The following RPH3A variants were observed in gnomAD, a reference collection of about 807,000 sequenced individuals.
RPH3A encodes rabphilin 3A, also known as rabphilin-3A.
Under a neutral mutation model 102.2 loss-of-function variants are expected in RPH3A, and 48 were observed. The ratio of observed to expected loss-of-function variants is 0.47; its 90% CI spans 0.37 to 0.60. The LOEUF (loss-of-function observed/expected upper bound fraction) is 0.60, where lower values mean the gene tolerates loss of function less well. RPH3A is among the 20% of genes least tolerant of loss of function. The pLI is 0.00. For synonymous variants in RPH3A, 310 were observed against 324.3 expected (o/e 0.96, Z 0.47); for missense variants, 781 against 910.1 (o/e 0.86, Z 1.83).
At chr12:112,678,684 G>T (rs996671497) in intron 1 of RPH3A, among the ~76,000 whole-genome samples, 2 of 152,128 alleles carry the variant, frequency 1.3e-5, no homozygotes, top group African/African-American at 2.4e-5. Context: ...GAAACCTGAC[G>T]CAGGATTTAA....
intron 16 of RPH3A, among the ~76,000 whole-genome samples, chr12:112,887,256 C>A (rs7958347): frequency 6.6e-6 from 1 of 152,036 alleles, no homozygotes; most frequent in African/African-American, 2.4e-5. Flanking sequence ...CAACCTGTAT[C>A]AACAGCAGAA....
intron 1 of RPH3A, among the ~76,000 whole-genome samples, chr12:112,682,127 G>C (rs941375369): frequency 9.9e-5 from 15 of 152,178 alleles, no homozygotes; most frequent in Non-Finnish European, 1.0e-4. Context: ...CAGAGAAACA[G>C]AACTGATAGT....
intron 1 of RPH3A, among the ~76,000 whole-genome samples, chr12:112,726,727 A>G (rs1347129863): frequency 6.6e-6 from 1 of 152,212 alleles, no homozygotes; most frequent in Admixed American, 6.5e-5. Flanking sequence ...TCTAAAATAT[A>G]AAGGCATTTT....
chr12:112,850,216 C>T (rs2042300863), intron 5 of RPH3A, among the ~76,000 whole-genome samples: 1 of 152,170 alleles, frequency 6.6e-6, no homozygotes, highest in Non-Finnish European at 1.5e-5. Flanking sequence ...ATGGGGATAA[C>T]ATTATCACAT....
chr12:112,873,070 C>G (rs938136233), intron 10 of RPH3A, among the ~76,000 whole-genome samples: 1 of 152,180 alleles, frequency 6.6e-6, no homozygotes, highest in Non-Finnish European at 1.5e-5. Context: ...ATCTCTTGCT[C>G]ATCATTTTCC....
At chr12:112,691,514 T>C (rs1396173161) in intron 1 of RPH3A, among the ~76,000 whole-genome samples, 1 of 152,264 alleles carries the variant, frequency 6.6e-6, no homozygotes, top group African/African-American at 2.4e-5. Context: ...AGAAGTACAG[T>C]ACCCTTTTGG....
intron 2 of RPH3A, among the ~76,000 whole-genome samples, chr12:112,815,081 C>T (rs2136127786): frequency 6.6e-6 from 1 of 152,244 alleles, no homozygotes; most frequent in South Asian, 2.1e-4. Flanking sequence ...GAATATACCC[C>T]AGCCTGTCTC....
intron 1 of RPH3A, among the ~76,000 whole-genome samples, chr12:112,735,458 CT>C (rs2040662598): frequency 6.6e-6 from 1 of 152,336 alleles, no homozygotes; most frequent in Admixed American, 6.5e-5. Context: ...AGAAAAAAGC[CT>C]CTTCCAGATA....
intron 5 of RPH3A, among the ~76,000 whole-genome samples, chr12:112,852,512 C>G (rs2042339021): frequency 1.3e-5 from 2 of 152,174 alleles, no homozygotes; most frequent in Admixed American, 6.5e-5. Context: ...CTTCTCATCC[C>G]ATATATTAGA....
At chr12:112,620,565 G>A (rs997599847) in intron 1 of RPH3A, among the ~76,000 whole-genome samples, 5 of 152,094 alleles carry the variant, frequency 3.3e-5, no homozygotes, top group African/African-American at 1.2e-4. Context: ...CCAGCCTGGC[G>A]GGTCCCCTAA....
At chr12:112,677,377 T>TCCCTCCCTC (rs2040184977) in intron 1 of RPH3A, among the ~76,000 whole-genome samples, 2 of 13,170 alleles carry the variant, frequency 1.5e-4, no homozygotes, top group African/African-American at 5.4e-4. Flanking sequence ...CTCCTTCCCT[T>TCCCTCCCTC]CCTCCCTCCC....
intron 1 of RPH3A, among the ~76,000 whole-genome samples, chr12:112,691,039 T>C (rs1388670845): frequency 2.6e-5 from 4 of 152,148 alleles, no homozygotes; most frequent in Admixed American, 2.0e-4. Context: ...ATCTTTTTTT[T>C]TTTGAGACGG....
chr12:112,755,338 CAT>C (rs1240225309), intron 1 of RPH3A, among the ~76,000 whole-genome samples: 9 of 138,280 alleles, frequency 6.5e-5, no homozygotes, highest in Non-Finnish European at 9.4e-5. Flanking sequence ...CACACACACA[CAT>C]ACATATGCAT....
chr12:112,894,748 C>CTATTTGTGCCTCTCTAA, intron 20 of RPH3A, 89 bp downstream of exon 20: 1 of 1,016,776 alleles, frequency 9.8e-7, no homozygotes, highest in Non-Finnish European at 1.5e-6. Context: ...AAATATGTGG[C>CTATTTGTGCCTCTCTAA]CACATAGCCA....
chr12:112,717,059 ATAACATAGC>A (rs1381393350), intron 1 of RPH3A, among the ~76,000 whole-genome samples: 2 of 152,234 alleles, frequency 1.3e-5, no homozygotes, highest in Non-Finnish European at 2.9e-5. Flanking sequence ...ATAACGGCCT[ATAACATAGC>A]CCCATTTTCC....
At chr12:112,867,295 C>A (rs925164039) in intron 7 of RPH3A, among the ~76,000 whole-genome samples, 21 of 152,084 alleles carry the variant, frequency 1.4e-4, no homozygotes, top group African/African-American at 4.8e-4. Flanking sequence ...ACTTTGTCCT[C>A]TTTCTTTCTC....
chr12:112,790,427 A>G (rs1033585733), upstream of RPH3A, among the ~76,000 whole-genome samples: 7 of 152,180 alleles, frequency 4.6e-5, no homozygotes, highest in Non-Finnish European at 8.8e-5. Context: ...CCTGGGTCTC[A>G]TGGGGAGAAG....
chr12:112,812,311 G>A (rs1354630957), intron 2 of RPH3A, among the ~76,000 whole-genome samples: 1 of 152,152 alleles, frequency 6.6e-6, no homozygotes, highest in African/African-American at 2.4e-5. Flanking sequence ...TTAGTACCAG[G>A]AGAATGAGGA....
At chr12:112,843,649 G>C (rs1376389606) in intron 4 of RPH3A, among the ~76,000 whole-genome samples, 1 of 152,200 alleles carries the variant, frequency 6.6e-6, no homozygotes, top group Non-Finnish European at 1.5e-5. Context: ...TAAGCTGCAG[G>C]AATGTGTCCT....
Sources: gnomAD v4.1 joint callset for allele counts (sites outside exome capture counted in the v4.1 genomes callset) on GRCh38, gnomAD v4.1.1 for gene constraint, MANE v1.5 for transcripts, NCBI Gene and HGNC (gene_info 2026-07-23, HGNC 2026-07-21) for gene names.